Variants in PLCB1 observed in about 807,000 individuals in gnomAD.
The protein encoded by PLCB1 is 1-phosphatidylinositol 4,5-bisphosphate phosphodiesterase beta-1.
A neutral mutation model predicts 161.8 loss-of-function variants in PLCB1; 46 were observed. The ratio of observed to expected loss-of-function variants is 0.28; its 90% CI spans 0.22 to 0.36. The LOEUF is 0.36. Ranked by LOEUF, PLCB1 falls within the 10% of genes least tolerant of loss-of-function variation. The pLI is 1.00. For missense variants in PLCB1, 1,016 were observed against 1,472.5 expected, an observed-to-expected ratio of 0.69 and a Z score of 5.07; for synonymous variants, 517 against 503.7, an observed-to-expected ratio of 1.03 and a Z score of -0.35.
chr20:8,788,790 C>T, intron 29 of PLCB1, 68 bp downstream of exon 29: 1 of 1,007,910 alleles, frequency 9.9e-7, no homozygotes, highest in East Asian at 2.5e-5. Context: ...ACGTCAGAGT[C>T]ACAGGTTCAT....
intron 2 of PLCB1, among the ~76,000 whole-genome samples, chr20:8,150,596 T>G (rs1325609992): frequency 1.3e-5 from 2 of 152,188 alleles, no homozygotes; most frequent in Non-Finnish European, 2.9e-5. Flanking sequence ...TTGGTATTTT[T>G]GGTTCTGTTT....
intron 31 of PLCB1, among the ~76,000 whole-genome samples, chr20:8,807,593 G>A (rs1473550714): frequency 3.3e-5 from 5 of 150,542 alleles, no homozygotes; most frequent in Admixed American, 1.3e-4. Context: ...TCAACCAATA[G>A]TTATTAAATG....
At chr20:8,411,615 G>T (rs1237071) in intron 3 of PLCB1, among the ~76,000 whole-genome samples, 36,736 of 152,064 alleles carry the variant, frequency 0.24, 4,828 homozygotes, top group East Asian at 0.39. Context: ...TAGAGATCCT[G>T]CATTCCATTT....
chr20:8,729,423 T>A (rs1051095155), intron 18 of PLCB1: 1 of 279,290 alleles, frequency 3.6e-6, no homozygotes, highest in Non-Finnish European at 6.6e-6. Flanking sequence ...CAAAAATTTT[T>A]ATGCTTTTTA....
intron 23 of PLCB1, among the ~76,000 whole-genome samples, chr20:8,744,660 A>AAAATAAAATAAAATAAAATAAAAT (rs1568582262): frequency 0.016 from 2,066 of 126,194 alleles, 90 homozygotes; most frequent in African/African-American, 0.054. Flanking sequence ...TAAAATAAAA[A>AAAATAAAATAAAATAAAATAAAAT]AATAAAATTG....
intron 1 of PLCB1, among the ~76,000 whole-genome samples, chr20:8,143,241 C>T (rs1243667602): frequency 6.6e-6 from 1 of 152,190 alleles, no homozygotes; most frequent in Admixed American, 6.5e-5. Context: ...TTACCTCCTA[C>T]CTACTTCTTC....
chr20:8,839,670 A>T (rs914760868), intron 31 of PLCB1, among the ~76,000 whole-genome samples: 8 of 151,672 alleles, frequency 5.3e-5, no homozygotes, highest in Non-Finnish European at 1.0e-4. Context: ...ATCAAACATT[A>T]TCGCAGCATG....
At chr20:8,327,779 T>G (rs1985213279) in intron 2 of PLCB1, among the ~76,000 whole-genome samples, 1 of 152,198 alleles carries the variant, frequency 6.6e-6, no homozygotes, top group South Asian at 2.1e-4. Flanking sequence ...TCAATTTATT[T>G]CTCACATTGT....
At chr20:8,289,853 G>A (rs2719807) in intron 2 of PLCB1, among the ~76,000 whole-genome samples, 20,666 of 152,172 alleles carry the variant, frequency 0.14, 1,712 homozygotes, top group African/African-American at 0.23. Context: ...TTTTGACAGT[G>A]TTTCCCAATG....
intron 2 of PLCB1, among the ~76,000 whole-genome samples, chr20:8,314,304 A>T (rs1278596300): frequency 2.6e-5 from 4 of 152,052 alleles, no homozygotes; most frequent in Non-Finnish European, 5.9e-5. Context: ...ATAGTTCTTA[A>T]TTTTTTTTCG....
chr20:8,268,265 C>A (rs980001939), intron 2 of PLCB1, among the ~76,000 whole-genome samples: 22 of 152,024 alleles, frequency 1.4e-4, no homozygotes, highest in Admixed American at 5.2e-4. Flanking sequence ...TGGTTTCCAG[C>A]TTCATCCATG....
chr20:8,393,051 ATGTT>A (rs1472389335), intron 3 of PLCB1, among the ~76,000 whole-genome samples: 2 of 152,180 alleles, frequency 1.3e-5, no homozygotes, highest in East Asian at 3.9e-4. Flanking sequence ...ATTAGACAGT[ATGTT>A]TGTTGGTGTT....
At chr20:8,839,967 G>A (rs377597475) in intron 31 of PLCB1, among the ~76,000 whole-genome samples, 6 of 151,836 alleles carry the variant, frequency 4.0e-5, no homozygotes, top group African/African-American at 9.7e-5. Flanking sequence ...AGAGATGGAG[G>A]TTGCAGTGAG....
intron 14 of PLCB1, among the ~76,000 whole-genome samples, chr20:8,721,529 AG>A (rs34986984): frequency 2.0e-5 from 3 of 152,162 alleles, no homozygotes; most frequent in South Asian, 4.1e-4. Context: ...TTAATTCTTC[AG>A]GGGAAAAACA....
chr20:8,864,098 G>T (rs1358198214), intron 31 of PLCB1, among the ~76,000 whole-genome samples: 1 of 152,148 alleles, frequency 6.6e-6, no homozygotes, highest in Admixed American at 6.6e-5. Context: ...AAACAATTCA[G>T]AGTTCTTATT....
rs1222674445 is a variant in PLCB1, at chr20:8,495,402, T to C, written c.246+123952T>C. On this transcript the variant is annotated intron_variant, in intron 3 of 31. Coordinates refer to ENST00000338037, the MANE Select transcript of PLCB1 (RefSeq NM_015192.4). ...TACCTTCCTTTCTTTTTTTTTTTTT[T>C]TTTTTTTTTTTTTGAGACGGAGTCT... Among the ~76,000 whole-genome samples, 15 of 139,556 alleles carry C rather than the reference T, an allele frequency of 1.1e-4. 1 individual carries two copies. The highest frequency in any genetic ancestry group is 3.0e-4 in the African/African-American group (11 of 36,248). The allele number at this position is 139,556 out of a possible 152,430, so 91.6% of individuals were successfully genotyped here. A position where few individuals can be genotyped will look rare whatever the true frequency, so the allele number is the denominator to read the frequency against.
intron 31 of PLCB1, among the ~76,000 whole-genome samples, chr20:8,796,660 G>T (rs1317872802): frequency 6.6e-6 from 1 of 152,020 alleles, no homozygotes; most frequent in Non-Finnish European, 1.5e-5. Flanking sequence ...ATAAAGAATT[G>T]CCTTTTTAGG....
chr20:8,277,717 A>G (rs1336294665), intron 2 of PLCB1, among the ~76,000 whole-genome samples: 1 of 152,168 alleles, frequency 6.6e-6, no homozygotes, highest in Non-Finnish European at 1.5e-5. Flanking sequence ...CATAACACTC[A>G]AGAGAAATAT....
intron 3 of PLCB1, among the ~76,000 whole-genome samples, chr20:8,617,009 A>G (rs1988056241): frequency 6.6e-6 from 1 of 152,194 alleles, no homozygotes; most frequent in Non-Finnish European, 1.5e-5. Flanking sequence ...GAAAGCATTC[A>G]TGATGCAATC....
Sources: allele counts gnomAD v4.1 joint callset (sites outside exome capture counted in the v4.1 genomes callset), GRCh38; gene constraint gnomAD v4.1.1; transcripts MANE v1.5; gene names NCBI Gene and HGNC (gene_info 2026-07-23, HGNC 2026-07-21).